TEAD4: variants seen among roughly 807,000 people sequenced by gnomAD.
TEAD4 encodes the protein transcriptional enhancer factor TEF-3.
Under a neutral mutation model 52.4 loss-of-function variants are expected in TEAD4, and 36 were observed. The observed-to-expected ratio is 0.69, with a 90% confidence interval of 0.53 to 0.91. TEAD4 has a LOEUF of 0.91. Among genes scored for constraint, TEAD4 ranks in the 40% least tolerant of loss-of-function variants. The pLI is 0.00. For missense variants in TEAD4, 508 were observed against 583.9 expected, an observed-to-expected ratio of 0.87 and a Z score of 1.34; for synonymous variants, 220 against 231.0, an observed-to-expected ratio of 0.95 and a Z score of 0.43.
chr12:2,986,225 C>T (rs1050466900), intron 2 of TEAD4, among the ~76,000 whole-genome samples: 8 of 152,302 alleles, frequency 5.3e-5, no homozygotes, highest in African/African-American at 1.4e-4. Context: ...GGCAGTAACT[C>T]GCATGGAGAT....
chr12:3,006,035 A>G (rs1299113963), intron 3 of TEAD4, among the ~76,000 whole-genome samples: 1 of 152,220 alleles, frequency 6.6e-6, no homozygotes, highest in Non-Finnish European at 1.5e-5. Context: ...AGTAAATTTC[A>G]TGTTCTCATC....
chr12:3,038,095 T>C lies in TEAD4; in HGVS notation c.1025T>C (p.Val342Ala), dbSNP rs2098280521. 1 of 1,612,396 alleles carries C rather than the reference T, an allele frequency of 6.2e-7. No homozygotes were observed. The highest frequency in any genetic ancestry group is 1.1e-5 in the South Asian group (1 of 90,942). Residue 342 changes from valine to alanine, a missense_variant, in exon 11 of 13, where the codon GTG becomes GCG. Physicochemically the swap from Val to Ala is moderately conservative, Grantham distance 64 (BLOSUM62 0). Coordinates refer to ENST00000359864, the MANE Select transcript of TEAD4 (RefSeq NM_003213.4). The stretch of plus-strand genomic sequence containing the variant: ...GTCTGCTCTTTCGGCAAGCAGGTGG[T>C]GGAGAAAGTTGAGGTAGGAGGCCAC...
Position 2,998,168 on chromosome 12 carries a change from T to A in TEAD4, c.226+3176T>A, listed in dbSNP as rs58556455. Among the ~76,000 whole-genome samples the A allele has an allele frequency of 2.7e-3, 407 of 152,288 alleles. 4 individuals are homozygous for A. The highest frequency in any genetic ancestry group is 9.7e-3 in the African/African-American group (402 of 41,566). ...ACGTTTATCTGTATTATAACCTAGG[T>A]CAGAGTTTCCTTCCTTTTTAAGGCT... On this transcript the variant is annotated intron_variant, in intron 3 of 12. Coordinates refer to ENST00000359864, the MANE Select transcript of TEAD4 (RefSeq NM_003213.4).
chr12:2,981,262 G>A (rs934471664), intron 2 of TEAD4, among the ~76,000 whole-genome samples: 7 of 152,232 alleles, frequency 4.6e-5, no homozygotes, highest in Non-Finnish European at 1.0e-4. Flanking sequence ...ACTGTGTGAG[G>A]AGGCAGCACA....
chr12:3,012,053 C>T, intron 4 of TEAD4, 117 bp from the exon 5 acceptor site: 1 of 967,316 alleles, frequency 1.0e-6, no homozygotes, highest in Admixed American at 2.4e-5. Flanking sequence ...TTCATTCATT[C>T]ATTCATTTGG....
intron 2 of TEAD4, among the ~76,000 whole-genome samples, chr12:2,993,937 A>G (rs923676764): frequency 1.3e-5 from 2 of 152,208 alleles, no homozygotes; most frequent in Non-Finnish European, 2.9e-5. Flanking sequence ...CGCTGTAGGT[A>G]TACACCACAT....
intron 2 of TEAD4, among the ~76,000 whole-genome samples, chr12:2,981,728 G>A (rs2098234250): frequency 1.3e-5 from 2 of 152,166 alleles, no homozygotes; most frequent in African/African-American, 2.4e-5. Flanking sequence ...CCCTAAGCAG[G>A]GAAGCAGTAT....
intron 2 of TEAD4, among the ~76,000 whole-genome samples, chr12:2,975,709 G>A (rs1329536965): frequency 6.6e-6 from 1 of 151,928 alleles, no homozygotes; most frequent in African/African-American, 2.4e-5. Flanking sequence ...AGAGTCCATA[G>A]TTCACATTAG....
chr12:2,990,918 G>T (rs2098242481), intron 2 of TEAD4, among the ~76,000 whole-genome samples: 1 of 152,198 alleles, frequency 6.6e-6, no homozygotes, highest in South Asian at 2.1e-4. Context: ...ACCCAGTTGT[G>T]ACCAGGCATG....
At chr12:2,976,205 G>C (rs1410786508) in intron 2 of TEAD4, among the ~76,000 whole-genome samples, 1 of 151,738 alleles carries the variant, frequency 6.6e-6, no homozygotes, top group Non-Finnish European at 1.5e-5. Flanking sequence ...ACCATTTTGT[G>C]TTCCACCAAG....
intron 10 of TEAD4, among the ~76,000 whole-genome samples, chr12:3,035,324 C>T (rs2098278691): frequency 1.3e-5 from 2 of 152,318 alleles, no homozygotes; most frequent in African/African-American, 2.4e-5. Flanking sequence ...TGCCTGGCCT[C>T]ACCTCTTGGT....
At chr12:2,963,387 G>A (rs1273920654) in intron 2 of TEAD4, among the ~76,000 whole-genome samples, 1 of 152,196 alleles carries the variant, frequency 6.6e-6, no homozygotes, top group Non-Finnish European at 1.5e-5. Flanking sequence ...GAAATTCAGG[G>A]CTTGTGAGGG....
chr12:2,977,832 G>A (rs2098231006), intron 2 of TEAD4, among the ~76,000 whole-genome samples: 1 of 152,216 alleles, frequency 6.6e-6, no homozygotes, highest in Non-Finnish European at 1.5e-5. Context: ...TGGGAGCTCA[G>A]GCCCTGGGAC....
chr12:2,964,870 A>G (rs1450791185), intron 2 of TEAD4, among the ~76,000 whole-genome samples: 1 of 152,024 alleles, frequency 6.6e-6, no homozygotes, highest in African/African-American at 2.4e-5. Context: ...GTAAGGGTCG[A>G]CCAGACTTTG....
chr12:2,960,306 C>G, intron 2 of TEAD4: 15 of 985,488 alleles, frequency 1.5e-5, no homozygotes, highest in Non-Finnish European at 1.8e-5. Flanking sequence ...GCACCCATGC[C>G]TCTTTTCTGC....
intron 8 of TEAD4, among the ~76,000 whole-genome samples, chr12:3,019,648 C>T (rs1450231339): frequency 6.6e-6 from 1 of 152,210 alleles, no homozygotes; most frequent in Non-Finnish European, 1.5e-5. Flanking sequence ...CTCTCACTGA[C>T]AGGCTCTGCT....
rs919618457 is a variant in TEAD4 at position 3,038,078 on chromosome 12, T to C, written c.1008T>C (p.Ser336=). Reference sequence around the variant, plus strand: ...TCACCTGCTCCACGAAGGTCTGCTCTTTCGGCAAGCAGGTGGTGGAGAAAG... The same window carrying C: ...TCACCTGCTCCACGAAGGTCTGCTCCTTCGGCAAGCAGGTGGTGGAGAAAG... The change falls in exon 11 of 13, where the codon TCT becomes TCC. Residue 336 remains serine, a synonymous_variant. Transcript: ENST00000359864. 3.1e-6 allele frequency: 5 copies of C among 1,613,140 alleles called. No homozygotes were observed. The African/African-American group carries it at 5.3e-5, about 17-fold the overall frequency.
In TEAD4 at chr12:2,994,195, C is replaced by T. The variant is rs1449604007; in HGVS notation, c.-29-543C>T. Among the ~76,000 whole-genome samples the T allele has an allele frequency of 6.6e-6, 1 of 152,082 alleles. No homozygotes were observed. The highest frequency in any genetic ancestry group is 1.5e-5 in the Non-Finnish European group (1 of 68,030). On this transcript the variant is annotated intron_variant, in intron 2 of 12. Coordinates refer to ENST00000359864, the MANE Select transcript of TEAD4 (RefSeq NM_003213.4). This position sits in a 1 kb window ranked among gnomAD's most constrained non-coding sequence, Gnocchi z 4.7. ...ATTCAAGCGATTCTCCTTGTCTGAG[C>T]CTCCCGAGTAGCTGTGATTACAGGT... is the stretch of plus-strand genomic sequence containing the variant.
chr12:3,017,047 G>A (rs2098265089), intron 5 of TEAD4: 1 of 470,642 alleles, frequency 2.1e-6, no homozygotes, highest in Admixed American at 2.3e-5. Flanking sequence ...AGATATTCAT[G>A]CATCGTTTTC....
Sources: gnomAD v4.1 joint callset for allele counts (sites outside exome capture counted in the v4.1 genomes callset) on GRCh38, gnomAD v4.1.1 for gene constraint, Gnocchi (gnomAD v3.1) non-coding constraint, MANE v1.5 for transcripts, NCBI Gene and HGNC (gene_info 2026-07-23, HGNC 2026-07-21) for gene names.